The following LRRC69 variants were observed in gnomAD, a reference collection of about 807,000 sequenced individuals.
LRRC69 encodes leucine-rich repeat-containing protein 69.
A neutral mutation model predicts 37.8 loss-of-function variants in LRRC69; 42 were observed. The observed-to-expected ratio is 1.11, with a 90% confidence interval of 0.87 to 1.44. The LOEUF is 1.44. LRRC69 is among the 40% of genes most tolerant of loss of function. The pLI is 0.00. For missense variants in LRRC69, 357 were observed against 401.9 expected (o/e 0.89, Z 0.96); for synonymous variants, 141 against 143.1 (o/e 0.99, Z 0.11).
intron 1 of LRRC69, among the ~76,000 whole-genome samples, chr8:91,120,044 A>G (rs573322091): frequency 6.6e-6 from 1 of 151,418 alleles, no homozygotes; most frequent in African/African-American, 2.4e-5. Context: ...GTGGGGGGGA[A>G]CTCCAGCTTC....
At chr8:91,167,129 C>T (rs1809044385) in intron 5 of LRRC69, among the ~76,000 whole-genome samples, 1 of 151,818 alleles carries the variant, frequency 6.6e-6, no homozygotes, top group African/African-American at 2.4e-5. Context: ...AAAATAAGGA[C>T]TGCTTCTAGG....
At chr8:91,140,980 GTTC>G (rs909935727) in intron 5 of LRRC69, among the ~76,000 whole-genome samples, 1 of 151,926 alleles carries the variant, frequency 6.6e-6, no homozygotes, top group African/African-American at 2.4e-5. Context: ...ATCATTGGGT[GTTC>G]TTCTACCTTT....
chr8:91,118,478 G>A, intron 1 of LRRC69: 2 of 308,774 alleles, frequency 6.5e-6, no homozygotes, highest in South Asian at 5.2e-5. Context: ...GCAGTGAGCC[G>A]AGATCATGCC....
chr8:91,125,025 C>G (rs1052147678), intron 2 of LRRC69, among the ~76,000 whole-genome samples: 5 of 151,730 alleles, frequency 3.3e-5, no homozygotes, highest in African/African-American at 9.7e-5. Context: ...AGATGCTAAA[C>G]TTAAATCAAT....
chr8:91,176,134 A>ATATATTT, intron 5 of LRRC69, among the ~76,000 whole-genome samples: 161 of 75,582 alleles, frequency 2.1e-3, no homozygotes, highest in South Asian at 5.2e-3. Context: ...ATATATATAT[A>ATATATTT]TTTTTTTTTT....
chr8:91,153,837 A>G (rs534040942), intron 5 of LRRC69, among the ~76,000 whole-genome samples: 7 of 151,986 alleles, frequency 4.6e-5, no homozygotes, highest in Non-Finnish European at 8.8e-5. Context: ...TCCAAAAGCT[A>G]GGAGAAGACA....
intron 5 of LRRC69, among the ~76,000 whole-genome samples, chr8:91,140,858 T>A (rs1808519977): frequency 4.2e-5 from 1 of 23,942 alleles, no homozygotes; most frequent in South Asian, 1.7e-3. Flanking sequence ...TTTCACCGTT[T>A]TAGCCGGGAT....
At chr8:91,116,412 A>G (rs1008343456) in intron 1 of LRRC69, among the ~76,000 whole-genome samples, 5 of 152,018 alleles carry the variant, frequency 3.3e-5, no homozygotes, top group African/African-American at 4.8e-5. Flanking sequence ...TGCTTTGCCT[A>G]CTGCACAATA....
At chr8:91,149,615 T>C (rs1218140547) in intron 5 of LRRC69, among the ~76,000 whole-genome samples, 1 of 152,052 alleles carries the variant, frequency 6.6e-6, no homozygotes, top group Non-Finnish European at 1.5e-5. Context: ...TTTCCAATTC[T>C]GTGAAGAAAG....
At chr8:91,147,027 AT>A (rs1229661736) in intron 5 of LRRC69, among the ~76,000 whole-genome samples, 2 of 151,434 alleles carry the variant, frequency 1.3e-5, no homozygotes, top group African/African-American at 4.8e-5. Context: ...TACCAAGTTG[AT>A]TTAAGGGATT....
chr8:91,102,861 T>C lies in LRRC69; in HGVS notation c.183+17T>C. ...TTGACCCAGGTGAGGAACAGTGTTT[T>C]GCTGTTGTGGTTTGGTATTGAAGAT... On this transcript the variant is annotated intron_variant, in intron 1 of 7. Transcript: ENST00000448384. 8 of 1,532,040 alleles carry C rather than the reference T, an allele frequency of 5.2e-6. No homozygotes were observed. The highest frequency in any genetic ancestry group is 7.0e-6 in the Non-Finnish European group (8 of 1,138,514). The allele number at this position is 1,532,040 out of a possible 1,614,324, so 94.9% of individuals were successfully genotyped here. A position where few individuals can be genotyped will look rare whatever the true frequency, so the allele number is the denominator to read the frequency against.
At chr8:91,183,681 A>G (rs1316745143) in intron 5 of LRRC69, among the ~76,000 whole-genome samples, 1 of 152,168 alleles carries the variant, frequency 6.6e-6, no homozygotes, top group Non-Finnish European at 1.5e-5. Flanking sequence ...CTATTTCATG[A>G]CTGGGCAAAG....
intron 6 of LRRC69, among the ~76,000 whole-genome samples, chr8:91,198,977 GT>G (rs1395080551): frequency 6.6e-6 from 1 of 152,192 alleles, no homozygotes; most frequent in Non-Finnish European, 1.5e-5. Context: ...TGTAAGAGCT[GT>G]CAGATATACT....
At chr8:91,139,106 CAG>C (rs1290034679) in intron 5 of LRRC69, 1 of 151,186 alleles carries the variant, frequency 6.6e-6, no homozygotes, top group Non-Finnish European at 1.5e-5. Context: ...AGATCTGCTA[CAG>C]AGAGACTTTA....
In LRRC69 at chr8:91,156,646, A is replaced by G. The variant is rs1167629084; in HGVS notation, c.651+20907A>G. Among the ~76,000 whole-genome samples the G allele has an allele frequency of 2.0e-5, 3 of 150,944 alleles. No individual in the cohort carries two copies. The East Asian group carries it at 5.8e-4, about 29-fold the overall frequency. ...TATTTTTTAATTCTCTTTTTAAAAA[A>G]AATATTCTTTCTATTTTGATTTTGA... On this transcript the variant is annotated intron_variant, in intron 5 of 7. Coordinates refer to ENST00000448384, the Ensembl canonical transcript of LRRC69.
intron 5 of LRRC69, among the ~76,000 whole-genome samples, chr8:91,150,448 G>A (rs1808711926): frequency 6.6e-6 from 1 of 151,944 alleles, no homozygotes; most frequent in South Asian, 2.1e-4. Context: ...TTTGATCATG[G>A]TGGATAAGCT....
chr8:91,191,670 G>T (rs1350935294), intron 6 of LRRC69, among the ~76,000 whole-genome samples: 3 of 152,046 alleles, frequency 2.0e-5, no homozygotes, highest in East Asian at 1.9e-4. Flanking sequence ...GGTCATCCTG[G>T]GTTGGAGGAG....
intron 5 of LRRC69, among the ~76,000 whole-genome samples, chr8:91,172,035 C>A (rs1374315168): frequency 3.3e-5 from 5 of 151,780 alleles, no homozygotes; most frequent in African/African-American, 1.2e-4. Flanking sequence ...ATTATTCATA[C>A]ATGCTTTGTA....
chr8:91,159,876 G>A (rs762870627), intron 5 of LRRC69, among the ~76,000 whole-genome samples: 7,917 of 150,958 alleles, frequency 0.052, 298 homozygotes, highest in Middle Eastern at 0.16. Flanking sequence ...TTTCCTTAGA[G>A]TGTTCTTGGG....
Sources: gnomAD v4.1 joint callset for allele counts (sites outside exome capture counted in the v4.1 genomes callset) on GRCh38, gnomAD v4.1.1 for gene constraint, MANE v1.5 for transcripts, NCBI Gene and HGNC (gene_info 2026-07-23, HGNC 2026-07-21) for gene names.